SIPA1L2: variants seen among roughly 807,000 people sequenced by gnomAD.
SIPA1L2 encodes the protein signal induced proliferation associated 1 like 2, also known as signal-induced proliferation-associated 1-like protein 2.
SIPA1L2 carries 56 observed loss-of-function variants against 163.9 expected under a neutral mutation model. That is an observed-to-expected ratio of 0.34 (90% CI 0.28 to 0.43). The LOEUF is 0.43. Ranked by LOEUF, SIPA1L2 falls within the 20% of genes least tolerant of loss-of-function variation. The pLI, the probability that SIPA1L2 is intolerant of heterozygous loss-of-function variation, is 1.00. For missense variants in SIPA1L2, 1,974 were observed against 2,193.5 expected (o/e 0.90, Z 2.00); for synonymous variants, 877 against 865.7 (o/e 1.01, Z -0.23).
intron 1 of SIPA1L2, among the ~76,000 whole-genome samples, chr1:232,599,543 C>T (rs1210407122): frequency 6.9e-6 from 1 of 143,924 alleles, no homozygotes; most frequent in African/African-American, 2.5e-5. Context: ...ATCCACAGTG[C>T]AGATCCTGTG....
chr1:232,439,240 G>A lies in SIPA1L2; in HGVS notation c.3899C>T (p.Ala1300Val). 6.2e-7 allele frequency: 1 copy of A among 1,614,026 alleles called. No individual in the cohort carries two copies. Among genetic ancestry groups the A allele is most frequent in the Non-Finnish European group, 8.5e-7 (1 of 1,180,048 alleles). The change falls in exon 15 of 23, where the codon GCT becomes GTT. Residue 1300 changes from alanine (A) to valine (V), a missense_variant. Coordinates refer to ENST00000674635, the MANE Select transcript of SIPA1L2 (RefSeq NM_020808.5). ...GTCGTCAGGCCCAGAGACGTCGGCA[G>A]CATCAGCCCACTGCTCGGCCCGGCT... ...IHSRAEQWAD[A>V]ADVSGPDDEP... is the part of the protein sequence containing the mutation.
chr1:232,598,252 A>G (rs1273201838), intron 1 of SIPA1L2, among the ~76,000 whole-genome samples: 1 of 152,000 alleles, frequency 6.6e-6, no homozygotes, highest in Non-Finnish European at 1.5e-5. Context: ...AAAAAAAAAA[A>G]AAATCAGCCG....
intron 2 of SIPA1L2, among the ~76,000 whole-genome samples, chr1:232,530,254 C>A (rs1667911106): frequency 6.6e-6 from 1 of 151,990 alleles, no homozygotes; most frequent in African/African-American, 2.4e-5. Flanking sequence ...GCTGGGACCA[C>A]AGGCGCACAC....
At chr1:232,444,800 G>C (rs184549328) in intron 11 of SIPA1L2, among the ~76,000 whole-genome samples, 214 of 152,282 alleles carry the variant, frequency 1.4e-3, no homozygotes, top group African/African-American at 4.9e-3. Context: ...TGTGATTCCA[G>C]CCTGGCTCCC....
intron 2 of SIPA1L2, among the ~76,000 whole-genome samples, chr1:232,557,771 C>T (rs571149336): frequency 1.1e-4 from 17 of 152,288 alleles, no homozygotes; most frequent in Admixed American, 1.1e-3. Context: ...GTGGTATTGT[C>T]TCACCCTGCC....
chr1:232,547,385 G>A (rs902783345), intron 2 of SIPA1L2, among the ~76,000 whole-genome samples: 8 of 151,224 alleles, frequency 5.3e-5, no homozygotes, highest in East Asian at 3.9e-4. Flanking sequence ...CATCCTTTCC[G>A]GGTAAGGTGG....
intron 3 of SIPA1L2, among the ~76,000 whole-genome samples, chr1:232,503,387 A>C (rs1666575531): frequency 6.6e-6 from 1 of 152,224 alleles, no homozygotes; most frequent in African/African-American, 2.4e-5. Context: ...CTAGCCCAAA[A>C]GCTGTTTCTA....
intron 18 of SIPA1L2, among the ~76,000 whole-genome samples, chr1:232,417,824 T>C (rs1021974627): frequency 1.3e-5 from 2 of 152,216 alleles, no homozygotes; most frequent in Non-Finnish European, 2.9e-5. Context: ...CTTTTGTCAC[T>C]GATTTCCACA....
intron 5 of SIPA1L2, among the ~76,000 whole-genome samples, chr1:232,485,770 C>A (rs1367247949): frequency 6.6e-6 from 1 of 152,208 alleles, no homozygotes. Flanking sequence ...ACTTCTCTTT[C>A]ACTGTGAGAA....
chr1:232,474,345 G>T (rs1027995324), intron 7 of SIPA1L2, among the ~76,000 whole-genome samples: 2 of 152,106 alleles, frequency 1.3e-5, no homozygotes, highest in African/African-American at 4.8e-5. Flanking sequence ...TGTGAAACAG[G>T]AATAAGCTCT....
At position 232,425,774 on chromosome 1, in the gene SIPA1L2, G is replaced by C; in HGVS notation, c.4445C>G (p.Ser1482Trp). Residue 1482 changes from serine (S) to tryptophan (W), a missense_variant, in exon 18 of 23, where the codon TCG (serine) becomes TGG (tryptophan). Physicochemically the swap from Ser to Trp is radical, Grantham distance 177 (BLOSUM62 -3). Transcript: ENST00000674635. ...CTCGTCAGACAGCGTGCGGTAAAGC[G>C]ACCTCCTTGGAGACAGGTTCCCATA... is the stretch of plus-strand genomic sequence containing the variant. The part of the protein sequence containing the change: ...SFYGNLSPRR[S>W]LYRTLSDESI... 3.7e-6 allele frequency: 6 copies of C among 1,613,998 alleles called. No individual in the cohort carries two copies. The highest frequency in any genetic ancestry group is 1.1e-5 in the South Asian group (1 of 91,028).
chr1:232,581,607 C>G (rs1399512467), intron 1 of SIPA1L2, among the ~76,000 whole-genome samples: 2 of 152,304 alleles, frequency 1.3e-5, no homozygotes, highest in East Asian at 3.9e-4. Context: ...TGATAACCAA[C>G]AGCTCACACA....
chr1:232,426,974 A>G (rs190538495), intron 17 of SIPA1L2, among the ~76,000 whole-genome samples: 7 of 152,356 alleles, frequency 4.6e-5, no homozygotes, highest in Admixed American at 3.9e-4. Flanking sequence ...AGTAAGTCTA[A>G]AAATATTCCT....
chr1:232,514,828 G>A lies in SIPA1L2; in HGVS notation c.512C>T (p.Ala171Val), dbSNP rs868294896. ...NSDVTISDID[A>V]EDVLDQNAVN... ...TGCATTTTGGTCTAAGACATCTTCGGCATCAATGTCACTGATAGTGACATC... is the reference window on the plus strand; with the variant it reads ...TGCATTTTGGTCTAAGACATCTTCGACATCAATGTCACTGATAGTGACATC... The change falls in exon 3 of 23, where the codon GCC becomes GTC. Residue 171 changes from alanine (A) to valine (V), a missense_variant. Coordinates refer to ENST00000674635, the MANE Select transcript of SIPA1L2 (RefSeq NM_020808.5). 1.2e-6 allele frequency: 2 copies of A among 1,614,184 alleles called. No individual in the cohort carries two copies. Among genetic ancestry groups the A allele is most frequent in the Non-Finnish European group, 1.7e-6 (2 of 1,180,034 alleles).
intron 1 of SIPA1L2, among the ~76,000 whole-genome samples, chr1:232,613,760 T>C (rs1048231639): frequency 2.0e-5 from 3 of 152,206 alleles, no homozygotes; most frequent in African/African-American, 7.2e-5. Flanking sequence ...AATTAGTTCA[T>C]CTCAATTTAG....
intron 3 of SIPA1L2, among the ~76,000 whole-genome samples, chr1:232,496,384 T>C (rs1286638005): frequency 6.6e-6 from 1 of 152,128 alleles, no homozygotes; most frequent in Non-Finnish European, 1.5e-5. Context: ...ATTTGCACAA[T>C]GATGAAATTG....
intron 19 of SIPA1L2, among the ~76,000 whole-genome samples, chr1:232,410,686 G>T (rs996386781): frequency 2.0e-5 from 3 of 151,860 alleles, no homozygotes; most frequent in African/African-American, 7.3e-5. Context: ...TCCACACCTG[G>T]GCCTTTGACC....
chr1:232,523,946 A>G (rs1054514517), intron 2 of SIPA1L2, among the ~76,000 whole-genome samples: 3 of 152,186 alleles, frequency 2.0e-5, no homozygotes, highest in Admixed American at 1.3e-4. Flanking sequence ...AATCCATACA[A>G]CAGTCCAGTA....
intron 2 of SIPA1L2, among the ~76,000 whole-genome samples, chr1:232,558,663 T>C (rs1365308598): frequency 6.6e-6 from 1 of 152,208 alleles, no homozygotes; most frequent in Non-Finnish European, 1.5e-5. Flanking sequence ...TTTTGCCAGC[T>C]AATGAGTTAT....
Sources: gnomAD v4.1 joint callset for allele counts (sites outside exome capture counted in the v4.1 genomes callset) on GRCh38, gnomAD v4.1.1 for gene constraint, MANE v1.5 for transcripts, NCBI Gene and HGNC (gene_info 2026-07-23, HGNC 2026-07-21) for gene names.